CPLANE1: variants seen among roughly 807,000 people sequenced by gnomAD.
CPLANE1 encodes the protein ciliogenesis and planar polarity effector complex subunit 1, also known as ciliogenesis and planar polarity effector 1.
A neutral mutation model predicts 362.5 loss-of-function variants in CPLANE1; 263 were observed. The observed-to-expected ratio is 0.73, with a 90% CI of 0.66 to 0.80. The LOEUF (loss-of-function observed/expected upper bound fraction) is 0.80. CPLANE1 is among the 30% of genes least tolerant of loss of function. The pLI, the probability that CPLANE1 is intolerant of heterozygous loss-of-function variation, is 0.00. For synonymous variants in CPLANE1, 1,212 were observed against 1,302.6 expected (o/e 0.93, Z 1.50); for missense variants, 3,461 against 3,793.4 (o/e 0.91, Z 2.30).
intron 2 of CPLANE1, among the ~76,000 whole-genome samples, chr5:37,246,913 TAAAAATAA>T (rs1320373946): frequency 6.6e-6 from 1 of 151,712 alleles, no homozygotes; most frequent in African/African-American, 2.4e-5. Context: ...TCTCAAAAAA[TAAAAATAA>T]AAAAATACAA....
chr5:37,161,633 T>C (rs1157175538), intron 38 of CPLANE1, among the ~76,000 whole-genome samples: 1 of 152,256 alleles, frequency 6.6e-6, no homozygotes, highest in East Asian at 1.9e-4. Context: ...AACTAAACTC[T>C]CATGGAAAAG....
the CPLANE1 span, among the ~76,000 whole-genome samples, chr5:37,100,088 T>A: frequency 1.3e-5 from 2 of 152,228 alleles, no homozygotes; most frequent in Non-Finnish European, 2.9e-5. Flanking sequence ...ATAGTTTCTT[T>A]TGCTGTGCAG....
intron 51 of CPLANE1, among the ~76,000 whole-genome samples, chr5:37,112,263 T>C (rs1759573461): frequency 6.6e-6 from 1 of 152,254 alleles, no homozygotes; most frequent in South Asian, 2.1e-4. Context: ...CTATGGGGTA[T>C]TACAAACCTT....
intron 36 of CPLANE1, 45 bp downstream of exon 36, chr5:37,165,494 G>A: frequency 6.3e-7 from 1 of 1,591,402 alleles, no homozygotes; most frequent in Non-Finnish European, 8.6e-7. Context: ...ACCAAACTCA[G>A]TGTACATGCA....
At chr5:37,215,739 CTTTT>C (rs567527656) in intron 15 of CPLANE1, among the ~76,000 whole-genome samples, 8 of 95,198 alleles carry the variant, frequency 8.4e-5, no homozygotes, top group African/African-American at 2.8e-4. Context: ...CTTCTCTTTC[CTTTT>C]TTTTTTTTTT....
At chr5:37,090,481 A>C in the CPLANE1 span, among the ~76,000 whole-genome samples, 10 of 152,236 alleles carry the variant, frequency 6.6e-5, no homozygotes, top group Non-Finnish European at 1.5e-4. Flanking sequence ...CAGTATTGCC[A>C]GTATCTATTA....
intron 1 of CPLANE1, 21 bp from the exon 2 acceptor site, chr5:37,247,766 A>G (rs1740224589): frequency 6.8e-7 from 1 of 1,460,452 alleles, no homozygotes; most frequent in African/African-American, 1.4e-5. Context: ...TAATAGTAAT[A>G]AAATATAAAT....
chr5:37,189,750 G>A (rs1419406395), intron 21 of CPLANE1, among the ~76,000 whole-genome samples: 1 of 152,180 alleles, frequency 6.6e-6, no homozygotes, highest in Admixed American at 6.5e-5. Context: ...TGTAATCCCA[G>A]TACTTTGGGA....
intron 21 of CPLANE1, among the ~76,000 whole-genome samples, chr5:37,192,079 T>TA (rs1328224329): frequency 6.6e-6 from 1 of 152,194 alleles, no homozygotes; most frequent in African/African-American, 2.4e-5. Context: ...GACCCATACT[T>TA]ACCATTTTTT....
In CPLANE1 at chr5:37,198,755, C is replaced by T. The variant is rs1420878101; in HGVS notation, c.3619G>A (p.Val1207Ile). 3.1e-6 allele frequency: 5 copies of T among 1,614,062 alleles called. No homozygotes were observed. Among genetic ancestry groups the T allele is most frequent in the South Asian group, 1.1e-5 (1 of 91,074 alleles). Residue 1207 changes from valine (V) to isoleucine (I), a missense_variant, in exon 20 of 53, where the codon GTA becomes ATA. This residue lies in a region of CPLANE1 where 3,380 missense variants were observed against 3,666.1 expected (regional missense o/e 0.92). Transcript: ENST00000651892. ...LFRAAQCSFP[V>I]AQWYILQLRW... is the part of the protein sequence containing the mutation. Reference sequence around the variant, plus strand: ...AACTGCAATATATACCACTGTGCTACAGGAAAAGAACACTGAGCCGCCCGG... The same window carrying T: ...AACTGCAATATATACCACTGTGCTATAGGAAAAGAACACTGAGCCGCCCGG...
At chr5:37,140,331 G>A (rs1215690918) in intron 44 of CPLANE1, 2 of 978,890 alleles carry the variant, frequency 2.0e-6, no homozygotes, top group Non-Finnish European at 1.2e-6. Context: ...TGAAATACCT[G>A]TTTTCTTGAA....
At chr5:37,237,914 C>T (rs1004588837) in intron 8 of CPLANE1, among the ~76,000 whole-genome samples, 5 of 151,742 alleles carry the variant, frequency 3.3e-5, no homozygotes, top group Admixed American at 3.3e-4. Flanking sequence ...CATGATGGCT[C>T]AGGCCTGTAA....
Position 37,106,532 on chromosome 5 carries a change from T to G in CPLANE1, c.*1070A>C. On this transcript the variant is annotated 3_prime_UTR_variant, in exon 53 of 53. Coordinates refer to ENST00000651892, the MANE Select transcript of CPLANE1 (RefSeq NM_001384732.1). ...TAACAGAAAACAATTTAAAATATTT[T>G]AAATGACAAAACAATTAAATGACAA... The G allele has an allele frequency of 1.9e-5, 8 of 413,914 alleles. No homozygotes were observed. The highest frequency in any genetic ancestry group is 2.6e-5 in the Non-Finnish European group (8 of 307,318). 25.6% of individuals were successfully genotyped at this position (413,914 alleles called of 1,614,324 possible).
intron 43 of CPLANE1, among the ~76,000 whole-genome samples, chr5:37,143,770 C>T (rs111810477): frequency 0.016 from 2,441 of 151,920 alleles, 78 homozygotes; most frequent in African/African-American, 0.055. Context: ...CCTGTCTCTA[C>T]TAAAAACACA....
chr5:37,164,339 C>T lies in CPLANE1; in HGVS notation c.7534-12G>A. 1 of 1,607,016 alleles carries T rather than the reference C, an allele frequency of 6.2e-7. No homozygotes were observed. Among genetic ancestry groups the T allele is most frequent in the South Asian group, 1.1e-5 (1 of 90,852 alleles). ...TGTTCTTGTTGTTCCTAAATGAATT[C>T]CCACAGGATTACTCTATGATTAACT... On this transcript the variant is annotated splice_polypyrimidine_tract_variant and intron_variant, in intron 36 of 52. Transcript: ENST00000651892.
intron 51 of CPLANE1, among the ~76,000 whole-genome samples, chr5:37,111,676 T>C (rs1274850728): frequency 6.6e-6 from 1 of 152,202 alleles, no homozygotes; most frequent in East Asian, 1.9e-4. Context: ...CACCTGCCAC[T>C]GTAATATCCA....
chr5:37,207,368 G>A (rs1691190315), intron 16 of CPLANE1, among the ~76,000 whole-genome samples: 2 of 152,248 alleles, frequency 1.3e-5, no homozygotes, highest in South Asian at 4.2e-4. Flanking sequence ...TCAACCACTT[G>A]GATGTCTGAT....
chr5:37,085,695 A>T, the CPLANE1 span: 1 of 1,154,942 alleles, frequency 8.7e-7, no homozygotes, highest in South Asian at 1.2e-5. Flanking sequence ...CACATGAAAG[A>T]TGTCAATGGC....
chr5:37,159,180 C>T (rs1381839909), intron 38 of CPLANE1, among the ~76,000 whole-genome samples: 14 of 135,460 alleles, frequency 1.0e-4, no homozygotes, highest in African/African-American at 3.6e-4. Context: ...GGCGCAATCT[C>T]GGCTCACTGC....
Sources: allele counts gnomAD v4.1 joint callset (sites outside exome capture counted in the v4.1 genomes callset), GRCh38; gene constraint gnomAD v4.1.1; regional missense constraint gnomAD v4.1.1; transcripts MANE v1.5; gene names NCBI Gene and HGNC (gene_info 2026-07-23, HGNC 2026-07-21).